The following NUTM2F variants were observed in gnomAD, a reference collection of about 807,000 sequenced individuals.
The protein encoded by NUTM2F is NUT family member 2F.
A neutral mutation model predicts 43.3 loss-of-function variants in NUTM2F; 22 were observed. That is an observed-to-expected ratio of 0.51 (90% CI 0.36 to 0.73). The LOEUF is 0.73. NUTM2F is among the 30% of genes least tolerant of loss of function. The pLI, the probability that NUTM2F is intolerant of heterozygous loss-of-function variation, is 0.00. For synonymous variants in NUTM2F, 202 were observed against 389.0 expected (o/e 0.52, Z 5.66); for missense variants, 488 against 927.4 (o/e 0.53, Z 6.15).
At chr9:94,326,929 T>C (rs1410147971) in intron 1 of NUTM2F, among the ~76,000 whole-genome samples, 1 of 149,550 alleles carries the variant, frequency 6.7e-6, no homozygotes, top group Non-Finnish European at 1.5e-5. Context: ...TGCTCAGTGG[T>C]CCCAGCTGCC....
At position 94,321,140 on chromosome 9, in the gene NUTM2F, C is replaced by A. The variant is rs556214378; in HGVS notation, c.935G>T (p.Arg312Met). The change falls in exon 4 of 7, where the codon AGG becomes ATG. Residue 312 changes from arginine (R) to methionine (M), a missense_variant. Physicochemically the swap from Arg to Met is moderately conservative, Grantham distance 91. Transcript: ENST00000253262. ...GGCAGGGGGTCCTCGAGGTTCAAGC[C>A]TCGGCGGGGCTGGAGGAGGCAGGCT... ...PQSLPPPAPP[R>M]LEPRGPPAPE... The A allele has an allele frequency of 1.3e-6, 2 of 1,549,058 alleles. No homozygotes were observed. Among genetic ancestry groups the A allele is most frequent in the African/African-American group, 2.7e-5 (2 of 73,662 alleles).
chr9:94,326,195 C>T (rs1279550803), intron 1 of NUTM2F, among the ~76,000 whole-genome samples: 3 of 151,910 alleles, frequency 2.0e-5, no homozygotes, highest in Non-Finnish European at 4.4e-5. Flanking sequence ...CTGAGGGTCT[C>T]CCTCGGGTGT....
chr9:94,324,653 A>C (rs1831426629), intron 2 of NUTM2F, among the ~76,000 whole-genome samples: 1 of 141,340 alleles, frequency 7.1e-6, no homozygotes, highest in African/African-American at 2.7e-5. Flanking sequence ...ACAGAGTGAG[A>C]CTCCATCTCA....
intron 6 of NUTM2F, 145 bp downstream of exon 6, chr9:94,319,468 T>C (rs567719368): frequency 2.5e-5 from 16 of 641,520 alleles, no homozygotes; most frequent in African/African-American, 1.9e-4. Flanking sequence ...CTACTCCCTC[T>C]GAACCTGCAT....
In NUTM2F at chr9:94,320,488, G is replaced by A. The variant is rs1587701525; in HGVS notation, c.1088C>T (p.Pro363Leu). ...GGCGTTGGTCTCCGCTGGCCTCTGG[G>A]GCCTGGGTGGTGGCAGGTGGGCCTT... ...ETKAHLPPPR[P>L]QRPAETNAHL... Residue 363 changes from proline (P) to leucine (L), a missense_variant, in exon 5 of 7, where the codon CCC becomes CTC. Coordinates refer to ENST00000253262, the MANE Select transcript of NUTM2F (RefSeq NM_017561.2). This position sits in a 1 kb window ranked among gnomAD's most constrained non-coding sequence, Gnocchi z 4.5. 1.9e-6 allele frequency: 3 copies of A among 1,611,390 alleles called. No individual in the cohort carries two copies. Among genetic ancestry groups the A allele is most frequent in the Non-Finnish European group, 2.5e-6 (3 of 1,179,492 alleles).
chr9:94,327,032 A>T (rs1228781522), intron 1 of NUTM2F, among the ~76,000 whole-genome samples: 1 of 149,868 alleles, frequency 6.7e-6, no homozygotes, highest in African/African-American at 2.4e-5. Flanking sequence ...ACAGCTGCAC[A>T]TGACTAGAAC....
Position 94,322,210 on chromosome 9 carries a change from A to G in NUTM2F, c.833T>C (p.Met278Thr). The change falls in exon 3 of 7, where the codon ATG (methionine) becomes ACG (threonine). Residue 278 changes from methionine (M) to threonine (T), a missense_variant. By Grantham distance (81) the Met-to-Thr change is moderately conservative (BLOSUM62 -1). Coordinates refer to ENST00000253262, the MANE Select transcript of NUTM2F (RefSeq NM_017561.2). ...SNFDRMIFYE[M>T]AEKFLEFEAE... ...AGGACCCCAGACTCACTTTTCCGCC[A>G]TCTCGTAGAAGATCATCCGGTCAAA... The G allele has an allele frequency of 6.2e-7, 1 of 1,611,758 alleles. No homozygotes were observed. The highest frequency in any genetic ancestry group is 1.1e-5 in the South Asian group (1 of 90,958).
rs1831347911 is a variant in NUTM2F at position 94,320,542 on chromosome 9, G to A, written c.1034C>T (p.Pro345Leu). Residue 345 changes from proline (P) to leucine (L), a missense_variant, in exon 5 of 7, where the codon CCA becomes CTA. By Grantham distance (98) the Pro-to-Leu change is moderately conservative (BLOSUM62 -3). Transcript: ENST00000253262. This position sits in a 1 kb window ranked among gnomAD's most constrained non-coding sequence, Gnocchi z 4.5. Reference protein sequence around the residue: ...GPKAPTACLPPPRPQRPAETK... With the variant: ...GPKAPTACLPLPRPQRPAETK... Reference sequence around the variant, plus strand: ...CTCCGCTGGCCTCTGGGGCCTGGGTGGTGGCAGGCAGGCAGTCGGGGCCTT... The same window carrying A: ...CTCCGCTGGCCTCTGGGGCCTGGGTAGTGGCAGGCAGGCAGTCGGGGCCTT... 1 of 1,611,044 alleles carries A rather than the reference G, an allele frequency of 6.2e-7. No homozygotes were observed. Among genetic ancestry groups the A allele is most frequent in the Admixed American group, 1.7e-5 (1 of 59,940 alleles).
Position 94,319,696 on chromosome 9 carries a change from C to A in NUTM2F, c.1402G>T (p.Glu468Ter). The change falls in exon 6 of 7, where the codon GAA (glutamate) becomes TAA (stop). Residue 468 changes from glutamate to a stop codon, truncating the protein, a stop_gained. Coordinates refer to ENST00000253262, the MANE Select transcript of NUTM2F (RefSeq NM_017561.2). LOFTEE classifies it high-confidence loss of function. Reference protein sequence around the residue: ...EAVIHPRFLEELLSPDPQMDF... With the variant: ...EAVIHPRFLE ...ATCTGTGGATCTGGGGAAAGCAATT[C>A]TTCCAGGAATCGGGGGTGAATGACG... 1 of 1,611,706 alleles carries A rather than the reference C, an allele frequency of 6.2e-7. No individual in the cohort carries two copies. The highest frequency in any genetic ancestry group is 2.2e-5 in the East Asian group (1 of 44,792).
intron 6 of NUTM2F, among the ~76,000 whole-genome samples, 156 bp downstream of exon 6, chr9:94,319,457 C>T (rs1587700817): frequency 6.7e-6 from 1 of 148,438 alleles, no homozygotes; most frequent in African/African-American, 2.5e-5. Flanking sequence ...TCCTCTCCAT[C>T]CTACTCCCTC....
At position 94,325,120 on chromosome 9, in the gene NUTM2F, A is replaced by G. The variant is rs1564102828; in HGVS notation, c.713+118T>C. ...TGAAAACGTACCTTCCCATAGCACAACCCATCACCCTCACAACCGCCCTGC... is the reference window on the plus strand; with the variant it reads ...TGAAAACGTACCTTCCCATAGCACAGCCCATCACCCTCACAACCGCCCTGC... On this transcript the variant is annotated intron_variant, in intron 2 of 6. Transcript: ENST00000253262. 3.6e-5 allele frequency: 33 copies of G among 906,358 alleles called. 3 individuals carry two copies. The South Asian group carries it at 5.1e-4, about 14-fold the overall frequency. 56.1% of individuals were successfully genotyped at this position (906,358 alleles called of 1,614,324 possible).
chr9:94,325,968 G>C, intron 1 of NUTM2F, 34 bp from the exon 2 acceptor site: 1 of 1,609,046 alleles, frequency 6.2e-7, no homozygotes, highest in Non-Finnish European at 8.5e-7. Flanking sequence ...GAATGAGCTG[G>C]CGTCTCCAGG....
Position 94,322,247 on chromosome 9 carries a change from G to T in NUTM2F, c.796C>A (p.His266Asn). The T allele has an allele frequency of 6.8e-6, 11 of 1,612,080 alleles. No individual in the cohort carries two copies. The highest frequency in any genetic ancestry group is 9.3e-6 in the Non-Finnish European group (11 of 1,179,884). Residue 266 changes from histidine (H) to asparagine (N), a missense_variant, in exon 3 of 7, where the codon CAC becomes AAC. Transcript: ENST00000253262. ...GLWQAMREWQHTSNFDRMIFY... is the reference protein window; with the variant it reads ...GLWQAMREWQNTSNFDRMIFY... ...ATCATCCGGTCAAAGTTGCTCGTGT[G>T]CTGCCATTCCCGCATGGCCTGCCAC... is the stretch of plus-strand genomic sequence containing the variant.
rs1436384697 is a variant in NUTM2F at position 94,320,967 on chromosome 9, C to T, written c.982+126G>A. ...CTGGTCAATACCCAACATACACTCC[C>T]GGAAGCTGTCCTGTTGGAGGGAGCA... On this transcript the variant is annotated intron_variant, in intron 4 of 6. Coordinates refer to ENST00000253262, the MANE Select transcript of NUTM2F (RefSeq NM_017561.2). This position sits in a 1 kb window ranked among gnomAD's most constrained non-coding sequence, Gnocchi z 4.5. 6 of 1,446,816 alleles carry T rather than the reference C, an allele frequency of 4.1e-6. No homozygotes were observed. The highest frequency in any genetic ancestry group is 2.5e-4 in the Middle Eastern group (1 of 3,952). The allele number at this position is 1,446,816 out of a possible 1,614,324, so 89.6% of individuals were successfully genotyped here. A position where few individuals can be genotyped will look rare whatever the true frequency, so the allele number is the denominator to read the frequency against.
Position 94,320,996 on chromosome 9 carries a change from C to A in NUTM2F, c.982+97G>T, listed in dbSNP as rs1831356389. On this transcript the variant is annotated intron_variant, in intron 4 of 6. Coordinates refer to ENST00000253262, the MANE Select transcript of NUTM2F (RefSeq NM_017561.2). The surrounding 1 kb of genome is among the most constrained non-coding windows in gnomAD (Gnocchi z 4.5). ...AGCTGTCCTGTTGGAGGGAGCAAAT[C>A]CCCCTCTTGAAGGGAAGCATGGGGT... 2.0e-6 allele frequency: 3 copies of A among 1,479,222 alleles called. No individual in the cohort carries two copies. The highest frequency in any genetic ancestry group is 2.4e-5 in the East Asian group (1 of 40,910). The allele number at this position is 1,479,222 out of a possible 1,614,324, so 91.6% of individuals were successfully genotyped here.
chr9:94,321,968 A>G (rs2257584), intron 3 of NUTM2F, among the ~76,000 whole-genome samples: 25,884 of 148,546 alleles, frequency 0.17, 2,448 homozygotes, highest in Middle Eastern at 0.27. Context: ...CAGTGTCAAG[A>G]CAGCGGTTGG....
rs1831337112 is a variant in NUTM2F at position 94,320,088 on chromosome 9, C to T, written c.1368+120G>A. The stretch of plus-strand genomic sequence containing the variant: ...AGACACACACAGTCACATACACAGA[C>T]ACTCAAATCCATGGAAATACACATA... On this transcript the variant is annotated intron_variant, in intron 5 of 6. Transcript: ENST00000253262. This position sits in a 1 kb window ranked among gnomAD's most constrained non-coding sequence, Gnocchi z 4.5. 1.2e-6 allele frequency: 1 copy of T among 834,220 alleles called. No homozygotes were observed. The highest frequency in any genetic ancestry group is 1.7e-5 in the African/African-American group (1 of 58,494). 51.7% of individuals were successfully genotyped at this position (834,220 alleles called of 1,614,324 possible). A position where few individuals can be genotyped will look rare whatever the true frequency, so the allele number is the denominator to read the frequency against.
rs1189770757 is a variant in NUTM2F at position 94,320,564 on chromosome 9, C to T, written c.1012G>A (p.Ala338Thr). ...GGTGGTGGCAGGCAGGCAGTCGGGG[C>T]CTTGGGGCCATCCTTGCTGGGAAGG... ...VYLPSKDGPK[A>T]PTACLPPPRP... is the part of the protein sequence containing the mutation. The change falls in exon 5 of 7, where the codon GCC becomes ACC. Residue 338 changes from alanine (A) to threonine (T), a missense_variant. By Grantham distance (58) the Ala-to-Thr change is moderately conservative (BLOSUM62 0). Transcript: ENST00000253262. This position sits in a 1 kb window ranked among gnomAD's most constrained non-coding sequence, Gnocchi z 4.5. 1 of 1,609,436 alleles carries T rather than the reference C, an allele frequency of 6.2e-7. No individual in the cohort carries two copies. Among genetic ancestry groups the T allele is most frequent in the Non-Finnish European group, 8.5e-7 (1 of 1,179,304 alleles).
At chr9:94,323,667 C>T (rs188946035) in intron 2 of NUTM2F, among the ~76,000 whole-genome samples, 113 of 152,302 alleles carry the variant, frequency 7.4e-4, no homozygotes, top group African/African-American at 2.5e-3. Context: ...AGGCACTGTG[C>T]TACGTATGTC....
Sources: gnomAD v4.1 joint callset for allele counts (sites outside exome capture counted in the v4.1 genomes callset) on GRCh38, gnomAD v4.1.1 for gene constraint, Gnocchi (gnomAD v3.1) non-coding constraint, MANE v1.5 for transcripts, NCBI Gene and HGNC (gene_info 2026-07-23, HGNC 2026-07-21) for gene names.